Variants in CILP2 observed in about 807,000 individuals in gnomAD.
The protein encoded by CILP2 is cartilage intermediate layer protein 2, also known as CILP-2.
A neutral mutation model predicts 45.6 loss-of-function variants in CILP2; 38 were observed. The ratio of observed to expected loss-of-function variants is 0.83; its 90% confidence interval spans 0.64 to 1.09. The LOEUF (loss-of-function observed/expected upper bound fraction) is 1.09, where lower values mean the gene tolerates loss of function less well. Ranked by LOEUF, CILP2 falls within the 50% of genes least tolerant of loss-of-function variation. The pLI, the probability that CILP2 is intolerant of heterozygous loss-of-function variation, is 0.00. For synonymous variants in CILP2, 780 were observed against 723.5 expected (o/e 1.08, Z -1.25); for missense variants, 1,735 against 1,662.2 (o/e 1.04, Z -0.76).
chr19:19,544,769 C>CGCGCCT lies in CILP2; in HGVS notation c.2225_2230dup (p.Ala743_Tyr744insCysAla). The CGCGCCT allele has an allele frequency of 1.9e-6, 3 of 1,606,768 alleles. No homozygotes were observed. Among genetic ancestry groups the CGCGCCT allele is most frequent in the Non-Finnish European group, 2.5e-6 (3 of 1,179,478 alleles). ...GCGCCGCCGCTGCTTCGTGAAGGTG[C>CGCGCCT]GCGCCTACGCCAACGACAAGTTCAC... On this transcript the variant is annotated inframe_insertion, in exon 8 of 8. Coordinates refer to ENST00000291495, the MANE Select transcript of CILP2 (RefSeq NM_153221.2).
intron 6 of CILP2, 102 bp from the exon 7 acceptor site, chr19:19,543,146 G>C (rs1056393212): frequency 2.4e-5 from 31 of 1,303,216 alleles, no homozygotes; most frequent in Non-Finnish European, 2.8e-5. Flanking sequence ...CTGGGGAGGA[G>C]GCTGACTTTG....
rs772620044 is a variant in CILP2 at position 19,544,203 on chromosome 19, C to T, written c.1658C>T (p.Ala553Val). ...RGAGVYHEVKAMRKKAPVILH... is the reference protein window; with the variant it reads ...RGAGVYHEVKVMRKKAPVILH... The stretch of plus-strand genomic sequence containing the variant: ...GCCGGCGTGTACCACGAGGTCAAGG[C>T]CATGCGGAAGAAAGCCCCGGTCATT... The change falls in exon 8 of 8, where the codon GCC becomes GTC. Residue 553 changes from alanine (A) to valine (V), a missense_variant. By Grantham distance (64) the Ala-to-Val change is moderately conservative (BLOSUM62 0). Transcript: ENST00000291495. 16 of 1,613,804 alleles carry T rather than the reference C, an allele frequency of 9.9e-6. No homozygotes were observed. Among genetic ancestry groups the T allele is most frequent in the Admixed American group, 1.7e-5 (1 of 60,010 alleles).
At position 19,544,483 on chromosome 19, in the gene CILP2, C is replaced by A; in HGVS notation, c.1938C>A (p.Asp646Glu). 1 of 1,606,358 alleles carries A rather than the reference C, an allele frequency of 6.2e-7. No homozygotes were observed. The highest frequency in any genetic ancestry group is 1.1e-5 in the South Asian group (1 of 90,992). ...PLRTYGMFSV[D>E]LRAPGSAEQL... ...GCACCTACGGCATGTTCTCCGTGGA[C>A]CTCCGTGCGCCCGGCTCCGCGGAGC... is the stretch of plus-strand genomic sequence containing the variant. Residue 646 changes from aspartate to glutamate, a missense_variant, in exon 8 of 8, where the codon GAC (aspartate) becomes GAA (glutamate). Asp to Glu is a conservative substitution (Grantham distance 45). Coordinates refer to ENST00000291495, the MANE Select transcript of CILP2 (RefSeq NM_153221.2).
intron 3 of CILP2, 118 bp downstream of exon 3, chr19:19,540,594 C>G (rs1374604408): frequency 1.7e-6 from 2 of 1,164,448 alleles, no homozygotes; most frequent in Non-Finnish European, 2.3e-6. Flanking sequence ...GTGGGCGTGG[C>G]TGGGAAGAGC....
In CILP2 at chr19:19,544,970, G is replaced by A. The variant is rs1169072134; in HGVS notation, c.2425G>A (p.Val809Ile). The change falls in exon 8 of 8, where the codon GTC becomes ATC. Residue 809 changes from valine to isoleucine, a missense_variant. Val to Ile is a conservative substitution (Grantham distance 29). Coordinates refer to ENST00000291495, the MANE Select transcript of CILP2 (RefSeq NM_153221.2). ...ADRPDAYTAL[V>I]TATLGGEELE... ...CAGGCCAGACGCCTACACCGCCCTG[G>A]TCACCGCCACCCTGGGCGGCGAGGA... 2 of 1,597,238 alleles carry A rather than the reference G, an allele frequency of 1.3e-6. No homozygotes were observed. Among genetic ancestry groups the A allele is most frequent in the African/African-American group, 2.7e-5 (2 of 74,826 alleles).
chr19:19,544,318 C>G lies in CILP2; in HGVS notation c.1773C>G (p.Phe591Leu), dbSNP rs752210743. Residue 591 changes from phenylalanine to leucine, a missense_variant, in exon 8 of 8, where the codon TTC becomes TTG. Transcript: ENST00000291495. ...LGELVLPSGA[F>L]RRADGKPYSG... ...AGCTGGTCCTGCCTTCTGGCGCTTT[C>G]CGCAGAGCCGACGGCAAACCCTACT... 1 of 1,612,606 alleles carries G rather than the reference C, an allele frequency of 6.2e-7. No homozygotes were observed. Among genetic ancestry groups the G allele is most frequent in the Non-Finnish European group, 8.5e-7 (1 of 1,179,988 alleles).
intron 7 of CILP2, 110 bp downstream of exon 7, chr19:19,543,515 G>C: frequency 7.1e-7 from 1 of 1,412,340 alleles, no homozygotes; most frequent in East Asian, 2.3e-5. Flanking sequence ...TCCAATCCTA[G>C]GCCTCCACTG....
intron 5 of CILP2, 96 bp downstream of exon 5, chr19:19,542,746 A>G (rs1274246871): frequency 1.3e-5 from 20 of 1,586,716 alleles, no homozygotes; most frequent in Non-Finnish European, 1.6e-5. Flanking sequence ...GATGTGACAC[A>G]GTCATTGGCG....
chr19:19,543,870 G>A lies in CILP2; in HGVS notation c.1325G>A (p.Arg442His), dbSNP rs369958476. 35 of 1,613,756 alleles carry A rather than the reference G, an allele frequency of 2.2e-5. No homozygotes were observed. Among genetic ancestry groups the A allele is most frequent in the African/African-American group, 5.3e-5 (4 of 74,936 alleles). Residue 442 changes from arginine (R) to histidine (H), a missense_variant, in exon 8 of 8, where the codon CGT (arginine) becomes CAT (histidine). Coordinates refer to ENST00000291495, the MANE Select transcript of CILP2 (RefSeq NM_153221.2). ...DASSRCCSVRRLERREIHCPG... is the reference protein window; with the variant it reads ...DASSRCCSVRHLERREIHCPG... ...AGCTCCCGCTGCTGCTCTGTGCGCC[G>A]TCTGGAGAGAAGGGAGATTCACTGC...
Position 19,544,630 on chromosome 19 carries a change from C to G in CILP2, c.2085C>G (p.Ser695Arg). 6.5e-7 allele frequency: 1 copy of G among 1,549,526 alleles called. No individual in the cohort carries two copies. The highest frequency in any genetic ancestry group is 1.4e-5 in the African/African-American group (1 of 73,854). ...AGACCGGCTTGTGGGAGGAGGAGAG[C>G]GGCTTCCGGCGCGAGGGGTCCTCGG... The part of the protein sequence containing the change: ...NPETGLWEEE[S>R]GFRREGSSGP... The change falls in exon 8 of 8, where the codon AGC (serine) becomes AGG (arginine). Residue 695 changes from serine to arginine, a missense_variant. Ser to Arg is a moderately radical substitution (Grantham distance 110, BLOSUM62 -1). Transcript: ENST00000291495.
At position 19,545,082 on chromosome 19, in the gene CILP2, G is replaced by A. The variant is rs557681207; in HGVS notation, c.2537G>A (p.Arg846Gln). The A allele has an allele frequency of 1.3e-5, 21 of 1,610,430 alleles. No individual in the cohort carries two copies. The East Asian group carries it at 2.2e-4, about 17-fold the overall frequency. Reference protein sequence around the residue: ...QPYLDRLGYRRTDHDDPAFKR... With the variant: ...QPYLDRLGYRQTDHDDPAFKR... ...TACCTGGACAGGCTGGGGTACCGTCGGACGGACCACGACGATCCCGCCTTC... is the reference window on the plus strand; with the variant it reads ...TACCTGGACAGGCTGGGGTACCGTCAGACGGACCACGACGATCCCGCCTTC... The change falls in exon 8 of 8, where the codon CGG (arginine) becomes CAG (glutamine). Residue 846 changes from arginine to glutamine, a missense_variant. Coordinates refer to ENST00000291495, the MANE Select transcript of CILP2 (RefSeq NM_153221.2).
rs2061259628 is a variant in CILP2 at position 19,545,129 on chromosome 19, A to T, written c.2584A>T (p.Asn862Tyr). ...PAFKRNGFRINLAKPRPGDPA... is the reference protein window; with the variant it reads ...PAFKRNGFRIYLAKPRPGDPA... ...CTTCAAGCGTAACGGCTTCCGCATCAACCTCGCCAAGCCCAGGCCAGGTGA... is the reference window on the plus strand; with the variant it reads ...CTTCAAGCGTAACGGCTTCCGCATCTACCTCGCCAAGCCCAGGCCAGGTGA... Residue 862 changes from asparagine to tyrosine, a missense_variant, in exon 8 of 8, where the codon AAC becomes TAC. Asn to Tyr is a moderately radical substitution (Grantham distance 143). Transcript: ENST00000291495. 6.2e-7 allele frequency: 1 copy of T among 1,612,034 alleles called. No homozygotes were observed. Among genetic ancestry groups the T allele is most frequent in the Non-Finnish European group, 8.5e-7 (1 of 1,179,738 alleles).
Position 19,544,889 on chromosome 19 carries a change from G to C in CILP2, c.2344G>C (p.Asp782His). 1 of 1,589,524 alleles carries C rather than the reference G, an allele frequency of 6.3e-7. No homozygotes were observed. Among genetic ancestry groups the C allele is most frequent in the Non-Finnish European group, 8.5e-7 (1 of 1,175,710 alleles). Residue 782 changes from aspartate (D) to histidine (H), a missense_variant, in exon 8 of 8, where the codon GAC becomes CAC. By Grantham distance (81) the Asp-to-His change is moderately conservative (BLOSUM62 -1). Coordinates refer to ENST00000291495, the MANE Select transcript of CILP2 (RefSeq NM_153221.2). Reference protein sequence around the residue: ...SANPRAWGRFDSAVTGPNGAC... With the variant: ...SANPRAWGRFHSAVTGPNGAC... The stretch of plus-strand genomic sequence containing the variant: ...CAACCCCCGTGCCTGGGGCCGCTTT[G>C]ACAGCGCGGTCACCGGCCCCAATGG...
Position 19,543,993 on chromosome 19 carries a change from A to G in CILP2, c.1448A>G (p.Asp483Gly). ...GLVRGRVVAA[D>G]SGEPLRFARI... ...GTCCGGGGCCGTGTTGTGGCTGCTG[A>G]CTCCGGGGAGCCGCTACGCTTCGCC... Residue 483 changes from aspartate (D) to glycine (G), a missense_variant, in exon 8 of 8, where the codon GAC becomes GGC. Transcript: ENST00000291495. 6.2e-7 allele frequency: 1 copy of G among 1,612,780 alleles called. No individual in the cohort carries two copies. Among genetic ancestry groups the G allele is most frequent in the South Asian group, 1.1e-5 (1 of 91,050 alleles).
intron 1 of CILP2, 77 bp from the exon 2 acceptor site, chr19:19,539,602 C>A: frequency 1.0e-6 from 1 of 979,168 alleles, no homozygotes; most frequent in Non-Finnish European, 1.5e-6. Context: ...ATCGTGGCTG[C>A]ACCTTGCCTA....
At chr19:19,540,898 T>C in intron 3 of CILP2, 193 bp from the exon 4 acceptor site, 1 of 486,750 alleles carries the variant, frequency 2.1e-6, no homozygotes, top group Non-Finnish European at 3.3e-6. Context: ...GGTCGGTACC[T>C]AAACTATGTC....
Position 19,545,463 on chromosome 19 carries a change from G to C in CILP2, c.2918G>C (p.Arg973Pro). 6.2e-7 allele frequency: 1 copy of C among 1,612,206 alleles called. No individual in the cohort carries two copies. Among genetic ancestry groups the C allele is most frequent in the Non-Finnish European group, 8.5e-7 (1 of 1,179,636 alleles). Residue 973 changes from arginine to proline, a missense_variant, in exon 8 of 8, where the codon CGG (arginine) becomes CCG (proline). Arg to Pro is a moderately radical substitution (Grantham distance 103). Transcript: ENST00000291495. ...ACCCGCGGCCAGCTCTACGGACTTC[G>C]GGATGCCCGGAGTGTGCGAGACCCC... ...PRTRGQLYGL[R>P]DARSVRDPER...
At chr19:19,542,675 A>C (rs2038311730) in intron 5 of CILP2, 25 bp downstream of exon 5, 1 of 1,608,348 alleles carries the variant, frequency 6.2e-7, no homozygotes, top group Admixed American at 1.7e-5. Flanking sequence ...AACATGGGGC[A>C]TGAAGGGGCT....
rs1037969439 is a variant in CILP2, at chr19:19,539,861, G to A, written c.163+84G>A. 11 of 1,124,168 alleles carry A rather than the reference G, an allele frequency of 9.8e-6. No individual in the cohort carries two copies. In the African/African-American group the frequency reaches 1.5e-4, roughly 15 times the overall value. The allele number at this position is 1,124,168 out of a possible 1,614,324, so 69.6% of individuals were successfully genotyped here. ...GGGCTACTGGGGTCGTGTGAGGAGA[G>A]GGCACACACTAGACGAAGGGCCCGG... On this transcript the variant is annotated intron_variant, in intron 2 of 7. Transcript: ENST00000291495.
Sources: gnomAD v4.1 joint callset for allele counts on GRCh38, gnomAD v4.1.1 for gene constraint, MANE v1.5 for transcripts, NCBI Gene and HGNC (gene_info 2026-07-23, HGNC 2026-07-21) for gene names.